MMS22L: variants seen among roughly 807,000 people sequenced by gnomAD.
The protein encoded by MMS22L is MMS22 like, DNA repair protein.
A neutral mutation model predicts 159.1 loss-of-function variants in MMS22L; 74 were observed. That is an observed-to-expected ratio of 0.47 (90% CI 0.39 to 0.56). The LOEUF is 0.56. Ranked by LOEUF, MMS22L falls within the 20% of genes least tolerant of loss-of-function variation. The probability of loss-of-function intolerance (pLI) is 0.00; values close to 1 mark genes in which losing one functional copy is unlikely to be tolerated. For missense variants in MMS22L, 1,351 were observed against 1,422.1 expected (o/e 0.95, Z 0.80); for synonymous variants, 517 against 506.9 (o/e 1.02, Z -0.27).
chr6:97,172,065 C>T (rs1258788594), intron 19 of MMS22L, among the ~76,000 whole-genome samples: 1 of 152,082 alleles, frequency 6.6e-6, no homozygotes. Context: ...TGTCCCATGT[C>T]TATATCAGAC....
At chr6:97,279,088 A>G (rs1816507792) in intron 3 of MMS22L, among the ~76,000 whole-genome samples, 190 bp from the exon 4 acceptor site, 1 of 152,220 alleles carries the variant, frequency 6.6e-6, no homozygotes, top group Admixed American at 6.5e-5. Flanking sequence ...GATAAAATAC[A>G]TCTTTGCCTG....
chr6:97,268,352 TTC>T (rs1178529461), intron 7 of MMS22L, among the ~76,000 whole-genome samples: 1 of 151,922 alleles, frequency 6.6e-6, no homozygotes, highest in Admixed American at 6.6e-5. Flanking sequence ...ACCTGGCTAA[TTC>T]TGTTTTTGTA....
intron 10 of MMS22L, among the ~76,000 whole-genome samples, chr6:97,251,509 AT>A (rs942593862): frequency 1.3e-5 from 2 of 152,206 alleles, no homozygotes; most frequent in Non-Finnish European, 2.9e-5. Context: ...GAGGACTCAT[AT>A]ATAAAGGCAA....
At chr6:97,196,080 C>A (rs1341687216) in intron 14 of MMS22L, among the ~76,000 whole-genome samples, 2 of 152,042 alleles carry the variant, frequency 1.3e-5, no homozygotes, top group Non-Finnish European at 2.9e-5. Flanking sequence ...TCGAAGAGTA[C>A]AATCAGACTC....
intron 13 of MMS22L, among the ~76,000 whole-genome samples, chr6:97,229,986 C>A (rs1356658050): frequency 6.6e-6 from 1 of 152,148 alleles, no homozygotes. Context: ...CAAAATAGTA[C>A]AATAGATAAT....
intron 22 of MMS22L, among the ~76,000 whole-genome samples, chr6:97,158,833 G>A (rs1303436157): frequency 1.3e-5 from 2 of 152,108 alleles, no homozygotes; most frequent in Non-Finnish European, 1.5e-5. Flanking sequence ...AGGTCTGCTT[G>A]GTCCAGAGCT....
At position 97,176,861 on chromosome 6, in the gene MMS22L, A is replaced by G. The variant is rs60610103; in HGVS notation, c.2679+1582T>C. 9.3e-3 allele frequency among the ~76,000 whole-genome samples: 1,418 copies of G among 152,236 alleles called. 22 individuals carry two copies. Among genetic ancestry groups the G allele is most frequent in the African/African-American group, 0.033 (1,360 of 41,540 alleles). On this transcript the variant is annotated intron_variant, in intron 18 of 24. Transcript: ENST00000683635. ...GATTATGCTTCGTATCCCTCTGTTA[A>G]TAAGTCATAGCTGTGAATACAACTA...
chr6:97,172,749 A>G (rs1304881304), intron 19 of MMS22L, among the ~76,000 whole-genome samples: 1 of 152,152 alleles, frequency 6.6e-6, no homozygotes, highest in South Asian at 2.1e-4. Context: ...TTTTTTAAAA[A>G]AGGTCCATTC....
In MMS22L at chr6:97,252,014, C is replaced by T. The variant is rs1001722654; in HGVS notation, c.1119+2543G>A. 3.3e-5 allele frequency among the ~76,000 whole-genome samples: 5 copies of T among 151,132 alleles called. No individual in the cohort carries two copies. The South Asian group carries it at 6.3e-4, about 19-fold the overall frequency. On this transcript the variant is annotated intron_variant, in intron 10 of 24. Coordinates refer to ENST00000683635, the MANE Select transcript of MMS22L (RefSeq NM_001350599.2). The stretch of plus-strand genomic sequence containing the variant: ...AGGAGAATGGCATGAACCCGGGAGG[C>T]GGAGCTTGCAGTAAGCCAAGACTGC...
intron 9 of MMS22L, among the ~76,000 whole-genome samples, chr6:97,262,238 ATTT>A (rs767657226): frequency 6.6e-6 from 1 of 152,182 alleles, no homozygotes; most frequent in Non-Finnish European, 1.5e-5. Flanking sequence ...ATGAAAATAA[ATTT>A]TTTTACTCAA....
chr6:97,259,695 TC>T (rs1462970830), intron 9 of MMS22L: 458 of 10,438 alleles, frequency 0.044, 3 homozygotes, highest in African/African-American at 0.061. Context: ...TTATAATAAA[TC>T]TTATATATAT....
rs1286353417 is a variant in MMS22L, at chr6:97,182,019, C to T, written c.2269G>A (p.Ala757Thr). 8 of 1,613,258 alleles carry T rather than the reference C, an allele frequency of 5.0e-6. No individual in the cohort carries two copies. The highest frequency in any genetic ancestry group is 6.8e-6 in the Non-Finnish European group (8 of 1,179,602). ...TLLAMDMPSTAPSDFQPQPVI... is the reference protein window; with the variant it reads ...TLLAMDMPSTTPSDFQPQPVI... ...GGCTGAGGCTGAAAATCTGATGGAG[C>T]TGTGCTTGGCATGTCCATTGCTAGC... is the stretch of plus-strand genomic sequence containing the variant. The change falls in exon 16 of 25, where the codon GCT becomes ACT. Residue 757 changes from alanine (A) to threonine (T), a missense_variant. By Grantham distance (58) the Ala-to-Thr change is moderately conservative. Transcript: ENST00000683635.
intron 24 of MMS22L, among the ~76,000 whole-genome samples, chr6:97,147,915 ATTGT>A (rs763697325): frequency 2.6e-5 from 4 of 152,188 alleles, no homozygotes; most frequent in Admixed American, 6.5e-5. Context: ...GATCTCATAT[ATTGT>A]TTAATAAAAA....
chr6:97,280,562 C>T (rs530134674), intron 3 of MMS22L, among the ~76,000 whole-genome samples: 118 of 152,192 alleles, frequency 7.8e-4, no homozygotes, highest in Non-Finnish European at 4.3e-4. Flanking sequence ...CGAACTCCCG[C>T]CTCGGCCTCC....
In MMS22L at chr6:97,220,097, A is replaced by G. The variant is rs115912077; in HGVS notation, c.2039+8797T>C. On this transcript the variant is annotated intron_variant, in intron 14 of 24. Coordinates refer to ENST00000683635, the MANE Select transcript of MMS22L (RefSeq NM_001350599.2). ...TTCAGTCCTCAGCTTCAGCTCTGCT[A>G]TACTGGTCATGTTCTGGCCTGAACC... 5.1e-3 allele frequency among the ~76,000 whole-genome samples: 774 copies of G among 152,280 alleles called. 6 individuals are homozygous for G. Among genetic ancestry groups the G allele is most frequent in the African/African-American group, 0.017 (720 of 41,550 alleles).
chr6:97,224,870 A>G (rs182243411), intron 14 of MMS22L, among the ~76,000 whole-genome samples: 13 of 152,258 alleles, frequency 8.5e-5, no homozygotes, highest in Non-Finnish European at 1.2e-4. Flanking sequence ...TGCATGTAAC[A>G]AAACTGCACT....
At chr6:97,166,233 AAAT>A (rs1463468717) in intron 20 of MMS22L, among the ~76,000 whole-genome samples, 7 of 152,292 alleles carry the variant, frequency 4.6e-5, no homozygotes, top group East Asian at 1.9e-4. Context: ...CTCTGAGAGA[AAAT>A]AATGTTTTCT....
At position 97,281,226 on chromosome 6, in the gene MMS22L, C is replaced by A. The variant is rs202023673; in HGVS notation, c.290+11G>T. The A allele has an allele frequency of 2.9e-5, 46 of 1,596,356 alleles. No individual in the cohort carries two copies. The highest frequency in any genetic ancestry group is 3.1e-5 in the Non-Finnish European group (36 of 1,174,836). On this transcript the variant is annotated intron_variant, in intron 3 of 24. Transcript: ENST00000683635. The stretch of plus-strand genomic sequence containing the variant: ...CACCTACACTCACAGAAAGTTATAA[C>A]GAAGAAATACCTGAATAAATGAAAG...
intron 14 of MMS22L, among the ~76,000 whole-genome samples, chr6:97,207,615 C>A (rs956313745): frequency 3.3e-5 from 5 of 152,158 alleles, no homozygotes; most frequent in Non-Finnish European, 5.9e-5. Context: ...GTCTTCCAGT[C>A]ACAGGAAGAT....
Sources: allele counts gnomAD v4.1 joint callset (sites outside exome capture counted in the v4.1 genomes callset), GRCh38; gene constraint gnomAD v4.1.1; transcripts MANE v1.5; gene names NCBI Gene and HGNC (gene_info 2026-07-23, HGNC 2026-07-21).